The following NIPA2 variants were observed in gnomAD, a reference collection of about 807,000 sequenced individuals.
NIPA2 encodes the protein magnesium transporter NIPA2.
A neutral mutation model predicts 29.7 loss-of-function variants in NIPA2; 11 were observed. That is an observed-to-expected ratio of 0.37 (90% CI 0.23 to 0.61). The LOEUF is 0.61. NIPA2 is among the 20% of genes least tolerant of loss of function. The probability of loss-of-function intolerance (pLI) is 0.66; values close to 1 mark genes in which losing one functional copy is unlikely to be tolerated. For missense variants in NIPA2, 426 were observed against 437.9 expected (o/e 0.97, Z 0.24); for synonymous variants, 183 against 161.9 (o/e 1.13, Z -0.99).
At chr15:22,841,021 G>A (rs1896951689) in intron 2 of NIPA2, among the ~76,000 whole-genome samples, 1 of 151,512 alleles carries the variant, frequency 6.6e-6, no homozygotes, top group South Asian at 2.1e-4. Context: ...GGTGGGGTGG[G>A]GGTGGGAGAG....
chr15:22,853,341 T>A, intron 5 of NIPA2, 73 bp downstream of exon 5: 4 of 853,208 alleles, frequency 4.7e-6, no homozygotes, highest in Non-Finnish European at 7.5e-6. Context: ...TATTATAGCC[T>A]CATTACTAGC....
chr15:22,846,109 G>C (rs1198254130), intron 3 of NIPA2, among the ~76,000 whole-genome samples: 1 of 152,190 alleles, frequency 6.6e-6, no homozygotes, highest in Non-Finnish European at 1.5e-5. Context: ...ATGGACGGAA[G>C]TTTCTTAGTC....
At chr15:22,864,038 T>G (rs529417346) in intron 7 of NIPA2, among the ~76,000 whole-genome samples, 4 of 152,168 alleles carry the variant, frequency 2.6e-5, no homozygotes, top group African/African-American at 9.6e-5. Flanking sequence ...ATATTAGTAA[T>G]TTTTTTGTTT....
intron 2 of NIPA2, among the ~76,000 whole-genome samples, chr15:22,841,728 C>G (rs914436678): frequency 6.6e-6 from 1 of 152,068 alleles, no homozygotes; most frequent in African/African-American, 2.4e-5. Flanking sequence ...AGGCTGGTCT[C>G]GAACTCCTGA....
chr15:22,856,911 G>A (rs993351136), intron 5 of NIPA2, among the ~76,000 whole-genome samples: 1 of 152,218 alleles, frequency 6.6e-6, no homozygotes, highest in Non-Finnish European at 1.5e-5. Flanking sequence ...CCTCTGCCCT[G>A]TGTAGGATTC....
intron 5 of NIPA2, among the ~76,000 whole-genome samples, chr15:22,855,361 G>T (rs2058100021): frequency 6.6e-6 from 1 of 151,976 alleles, no homozygotes; most frequent in Non-Finnish European, 1.5e-5. Context: ...AGGTTACAGT[G>T]AGCTGAGATT....
At position 22,866,392 on chromosome 15, in the gene NIPA2, A is replaced by G. The variant is rs1404606012; in HGVS notation, c.628A>G (p.Lys210Glu). ...TGCTATCAAGGAGCTGTTTGCAGGG[A>G]AGCCTGTGCTGCGGCATCCCCTGGC... is the stretch of plus-strand genomic sequence containing the variant. ...GIAIKELFAG[K>E]PVLRHPLAWI... Residue 210 changes from lysine (K) to glutamate (E), a missense_variant, in exon 8 of 8, where the codon AAG becomes GAG. Transcript: ENST00000337451. 1.2e-6 allele frequency: 2 copies of G among 1,613,926 alleles called. No individual in the cohort carries two copies. Among genetic ancestry groups the G allele is most frequent in the Non-Finnish European group, 1.7e-6 (2 of 1,179,984 alleles).
chr15:22,867,852 G>GTTTC lies in NIPA2; in HGVS notation c.*1008_*1009insCTTT, dbSNP rs1398420922. ...ATATTTTGGTTTCTAGAAAATGTTT[G>GTTTC]TTTATGAAGAAGTCGATGGAAAACT... On this transcript the variant is annotated 3_prime_UTR_variant, in exon 8 of 8. Transcript: ENST00000337451. 6.6e-6 allele frequency: 1 copy of GTTTC among 152,110 alleles called. No homozygotes were observed. Among genetic ancestry groups the GTTTC allele is most frequent in the East Asian group, 1.9e-4 (1 of 5,196 alleles). The allele number at this position is 152,110 out of a possible 1,614,324, so 9.4% of individuals were successfully genotyped here. A position where few individuals can be genotyped will look rare whatever the true frequency, so the allele number is the denominator to read the frequency against.
Position 22,860,237 on chromosome 15 carries a change from C to T in NIPA2, c.288-392C>T, listed in dbSNP as rs1335997054. ...GTTTCACCATGTTGGCCAGGCTGGG[C>T]TTGAACTCCTGACCTGAGGTGACCC... On this transcript the variant is annotated intron_variant, in intron 6 of 7. Coordinates refer to ENST00000337451, the MANE Select transcript of NIPA2 (RefSeq NM_030922.7). Among the ~76,000 whole-genome samples, 22 of 152,074 alleles carry T rather than the reference C, an allele frequency of 1.4e-4. 1 individual carries two copies.
At position 22,866,362 on chromosome 15, in the gene NIPA2, G is replaced by C; in HGVS notation, c.598G>C (p.Gly200Arg). The C allele has an allele frequency of 6.2e-7, 1 of 1,614,024 alleles. No homozygotes were observed. The highest frequency in any genetic ancestry group is 8.5e-7 in the Non-Finnish European group (1 of 1,179,988). ...TTCAGTCTCCTGTGTGAAGGGCCTG[G>C]GCATTGCTATCAAGGAGCTGTTTGC... ...AFSVSCVKGL[G>R]IAIKELFAGK... The change falls in exon 8 of 8, where the codon GGC (glycine) becomes CGC (arginine). Residue 200 changes from glycine (G) to arginine (R), a missense_variant. This residue lies in a region of NIPA2 where 357 missense variants were observed against 339.8 expected (regional missense o/e 1.05). Transcript: ENST00000337451.
chr15:22,854,002 A>G (rs2057986221), intron 5 of NIPA2, among the ~76,000 whole-genome samples: 2 of 149,408 alleles, frequency 1.3e-5, no homozygotes, highest in Admixed American at 1.3e-4. Context: ...TAATTTTTGT[A>G]TTTTTAGTAG....
intron 2 of NIPA2, among the ~76,000 whole-genome samples, chr15:22,841,922 T>TTC (rs1204616364): frequency 6.6e-6 from 1 of 152,152 alleles, no homozygotes; most frequent in Non-Finnish European, 1.5e-5. Context: ...CTGCACTTGC[T>TTC]TCTCTCTCCT....
chr15:22,865,190 TTAA>T (rs1302030658), intron 7 of NIPA2, among the ~76,000 whole-genome samples: 1 of 151,272 alleles, frequency 6.6e-6, no homozygotes, highest in Non-Finnish European at 1.5e-5. Context: ...ATTTGTGTCT[TTAA>T]TAATCTATTA....
intron 7 of NIPA2, among the ~76,000 whole-genome samples, chr15:22,864,478 T>G (rs1283512999): frequency 6.6e-6 from 1 of 152,060 alleles, no homozygotes; most frequent in East Asian, 1.9e-4. Flanking sequence ...ATGTAAAAGT[T>G]GGGCTGGTCA....
At chr15:22,855,178 C>G (rs949331805) in intron 5 of NIPA2, among the ~76,000 whole-genome samples, 1 of 151,798 alleles carries the variant, frequency 6.6e-6, no homozygotes, top group Non-Finnish European at 1.5e-5. Flanking sequence ...TTTGGGAGCC[C>G]GAGGTGGGTG....
chr15:22,865,444 C>CCT (rs2058953014), intron 7 of NIPA2, among the ~76,000 whole-genome samples: 2 of 151,760 alleles, frequency 1.3e-5, no homozygotes, highest in Admixed American at 1.3e-4. Context: ...CGAGATCGCA[C>CCT]CACTGCACTC....
intron 2 of NIPA2, among the ~76,000 whole-genome samples, chr15:22,843,462 C>T (rs1306845980): frequency 2.0e-5 from 3 of 149,616 alleles, no homozygotes; most frequent in Admixed American, 6.7e-5. Flanking sequence ...GCCGAGATAG[C>T]GCCACTGCAC....
At position 22,858,598 on chromosome 15, in the gene NIPA2, G is replaced by T. The variant is rs1236716961; in HGVS notation, c.255G>T (p.Val85=). The T allele has an allele frequency of 2.5e-6, 4 of 1,607,132 alleles. No individual in the cohort carries two copies. The highest frequency in any genetic ancestry group is 1.1e-5 in the South Asian group (1 of 90,058). Residue 85 remains valine, a synonymous_variant, in exon 6 of 8, where the codon GTG becomes GTT. Transcript: ENST00000337451. ...AAYAFAPATL[V]TPLGALSVLV... ...ATGCGTTTGCACCAGCCACTCTAGT[G>T]ACTCCACTAGGAGCTCTCAGCGTGC...
At chr15:22,860,566 T>C in intron 6 of NIPA2, 63 bp from the exon 7 acceptor site, 8 of 1,040,894 alleles carry the variant, frequency 7.7e-6, no homozygotes, top group South Asian at 6.6e-5. Context: ...ACGAGTTTTA[T>C]TGATATTTGA....
Sources: allele counts gnomAD v4.1 joint callset (sites outside exome capture counted in the v4.1 genomes callset), GRCh38; gene constraint gnomAD v4.1.1; regional missense constraint gnomAD v4.1.1; transcripts MANE v1.5; gene names NCBI Gene and HGNC (gene_info 2026-07-23, HGNC 2026-07-21).